Variants in LHX8 observed in about 807,000 individuals in gnomAD.
LHX8 encodes LIM/homeobox protein Lhx8.
Under a neutral mutation model 40.3 loss-of-function variants are expected in LHX8, and 12 were observed. The ratio of observed to expected loss-of-function variants is 0.30; its 90% CI spans 0.19 to 0.48. The LOEUF (loss-of-function observed/expected upper bound fraction) is 0.48, where lower values mean the gene tolerates loss of function less well. LHX8 is among the 20% of genes least tolerant of loss of function. The pLI is 0.99. For synonymous variants in LHX8, 179 were observed against 162.0 expected, an observed-to-expected ratio of 1.10 and a Z score of -0.80; for missense variants, 344 against 433.7, an observed-to-expected ratio of 0.79 and a Z score of 1.84.
intron 6 of LHX8, 83 bp downstream of exon 6, chr1:75,144,031 AT>A: frequency 1.9e-6 from 2 of 1,038,294 alleles, no homozygotes; most frequent in Non-Finnish European, 2.9e-6. Context: ...GCCCAAAAAC[AT>A]TTTTATGTTT....
chr1:75,148,320 A>G (rs112478936), intron 6 of LHX8, among the ~76,000 whole-genome samples: 1 of 152,254 alleles, frequency 6.6e-6, no homozygotes, highest in Non-Finnish European at 1.5e-5. Flanking sequence ...ATTGAAAGAA[A>G]AGAAAAGGTG....
the LHX8 span, among the ~76,000 whole-genome samples, chr1:75,183,500 C>T: frequency 6.6e-6 from 1 of 151,970 alleles, no homozygotes; most frequent in African/African-American, 2.4e-5. Flanking sequence ...AAATCTTCAA[C>T]CAAGAATTAC....
At chr1:75,157,804 C>T (rs535694806) in intron 8 of LHX8, among the ~76,000 whole-genome samples, 1 of 152,090 alleles carries the variant, frequency 6.6e-6, no homozygotes, top group African/African-American at 2.4e-5. Flanking sequence ...ACAATTTATC[C>T]ATTTCCTGGT....
At chr1:75,129,813 T>A (rs952157833), upstream of LHX8, among the ~76,000 whole-genome samples, 6 of 152,164 alleles carry the variant, frequency 3.9e-5, no homozygotes, top group African/African-American at 1.4e-4. Flanking sequence ...TCCATCCTCT[T>A]TCTTGATCAG....
At chr1:75,172,957 A>G in the LHX8 span, among the ~76,000 whole-genome samples, 1 of 151,994 alleles carries the variant, frequency 6.6e-6, no homozygotes, top group Non-Finnish European at 1.5e-5. Context: ...CCTTAAAATA[A>G]CTCTCAGCTG....
At chr1:75,168,168 C>T in the LHX8 span, among the ~76,000 whole-genome samples, 3 of 152,208 alleles carry the variant, frequency 2.0e-5, no homozygotes, top group Admixed American at 2.0e-4. Context: ...CACCTTGCTT[C>T]ATTAGCCTTC....
chr1:75,197,933 A>C, the LHX8 span, among the ~76,000 whole-genome samples: 1 of 152,232 alleles, frequency 6.6e-6, no homozygotes, highest in Non-Finnish European at 1.5e-5. Flanking sequence ...GTTATGAAAC[A>C]TTAAATTTAA....
At chr1:75,156,839 G>A in intron 7 of LHX8, 54 bp from the exon 8 acceptor site, 2 of 1,521,700 alleles carry the variant, frequency 1.3e-6, no homozygotes, top group Non-Finnish European at 1.8e-6. Flanking sequence ...TTGATAATGT[G>A]CTCAGAAGCT....
At chr1:75,164,533 G>A (rs1449196185), downstream of LHX8, among the ~76,000 whole-genome samples, 1 of 152,070 alleles carries the variant, frequency 6.6e-6, no homozygotes, top group Non-Finnish European at 1.5e-5. Context: ...GAAATGCATT[G>A]ATTTCCCACC....
chr1:75,179,177 G>A, the LHX8 span, among the ~76,000 whole-genome samples: 3 of 152,206 alleles, frequency 2.0e-5, no homozygotes, highest in Non-Finnish European at 4.4e-5. Flanking sequence ...TTCTGTAGAT[G>A]TCTGTTAGGT....
chr1:75,141,395 G>T (rs2100338342), intron 4 of LHX8, among the ~76,000 whole-genome samples: 2 of 152,208 alleles, frequency 1.3e-5, no homozygotes, highest in South Asian at 4.1e-4. Flanking sequence ...CTGTACATAG[G>T]TATAAAGTAT....
chr1:75,192,902 C>T, the LHX8 span, among the ~76,000 whole-genome samples: 2 of 152,086 alleles, frequency 1.3e-5, no homozygotes, highest in Non-Finnish European at 2.9e-5. Context: ...CCATGTTGGC[C>T]AGGCTGGCCT....
At chr1:75,177,085 T>C in the LHX8 span, among the ~76,000 whole-genome samples, 5 of 152,308 alleles carry the variant, frequency 3.3e-5, no homozygotes, top group East Asian at 9.7e-4. Context: ...AGCCTTGTAG[T>C]ATAGTTTGAA....
intron 7 of LHX8, among the ~76,000 whole-genome samples, chr1:75,149,102 A>T (rs1648538895): frequency 6.6e-6 from 1 of 152,218 alleles, no homozygotes; most frequent in Non-Finnish European, 1.5e-5. Context: ...CAGGCTAAAC[A>T]TGTTCCAAGA....
At chr1:75,151,575 C>T (rs1443788888) in intron 7 of LHX8, among the ~76,000 whole-genome samples, 1 of 152,164 alleles carries the variant, frequency 6.6e-6, no homozygotes, top group Admixed American at 6.6e-5. Flanking sequence ...GGTGTTCACT[C>T]ATAATGAATT....
At chr1:75,128,806 GA>G (rs1289690639) in intron 1 of LHX8, among the ~76,000 whole-genome samples, 1 of 152,190 alleles carries the variant, frequency 6.6e-6, no homozygotes, top group Non-Finnish European at 1.5e-5. Flanking sequence ...CAAAGGAGAT[GA>G]AAAAGGTGTT....
At chr1:75,147,585 G>A (rs1293654959) in intron 6 of LHX8, among the ~76,000 whole-genome samples, 1 of 152,180 alleles carries the variant, frequency 6.6e-6, no homozygotes, top group East Asian at 1.9e-4. Context: ...AAGTCCAGCA[G>A]TGCTTGAGGT....
At position 75,140,993 on chromosome 1, in the gene LHX8, C is replaced by A; in HGVS notation, c.246C>A (p.Asp82Glu). 1 of 1,613,526 alleles carries A rather than the reference C, an allele frequency of 6.2e-7. No individual in the cohort carries two copies. The highest frequency in any genetic ancestry group is 8.5e-7 in the Non-Finnish European group (1 of 1,179,614). The change falls in exon 4 of 9, where the codon GAC (aspartate) becomes GAA (glutamate). Residue 82 changes from aspartate to glutamate, a missense_variant. Around this residue, in one of 3 missense-constraint regions of LHX8, gnomAD observed 147 missense variants for 250.8 expected, o/e 0.59. Transcript: ENST00000356261. ...IVDKYLLKVN[D>E]LCWHVRCLSC... The stretch of plus-strand genomic sequence containing the variant: ...TTCTCTTCCCTTCACAGGTGAATGA[C>A]CTATGCTGGCATGTCCGGTGTCTCT...
rs1176894428 is a variant in LHX8 at position 75,146,507 on chromosome 1, C to T, written c.685-2080C>T. Reference sequence around the variant, plus strand: ...CGCCAAAGTTAGCTCCTGCTTTAGTCTGTTTTCAGATCGAGTTACTGCTAT... The same window carrying T: ...CGCCAAAGTTAGCTCCTGCTTTAGTTTGTTTTCAGATCGAGTTACTGCTAT... On this transcript the variant is annotated intron_variant, in intron 6 of 8. Transcript: ENST00000356261. Among the ~76,000 whole-genome samples, 4 of 152,232 alleles carry T rather than the reference C, an allele frequency of 2.6e-5. No homozygotes were observed. In the East Asian group the frequency reaches 5.8e-4, roughly 22 times the overall value.
Sources: allele counts gnomAD v4.1 joint callset (sites outside exome capture counted in the v4.1 genomes callset), GRCh38; gene constraint gnomAD v4.1.1; regional missense constraint gnomAD v4.1.1; transcripts MANE v1.5; gene names NCBI Gene and HGNC (gene_info 2026-07-23, HGNC 2026-07-21).